Variants in AP2B1 observed in about 807,000 individuals in gnomAD.
AP2B1 encodes AP-2 complex subunit beta.
A neutral mutation model predicts 102.0 loss-of-function variants in AP2B1; 23 were observed. The observed-to-expected ratio is 0.23, with a 90% CI of 0.16 to 0.32. AP2B1 has a LOEUF of 0.32. AP2B1 is among the 10% of genes least tolerant of loss of function. The pLI is 1.00. For missense variants in AP2B1, 541 were observed against 1,157.4 expected (o/e 0.47, Z 7.73); for synonymous variants, 381 against 421.2 (o/e 0.90, Z 1.17).
chr17:35,719,375 C>G (rs1184950053), intron 21 of AP2B1, among the ~76,000 whole-genome samples: 1 of 151,914 alleles, frequency 6.6e-6, no homozygotes, highest in Non-Finnish European at 1.5e-5. Flanking sequence ...AAAAAAACTT[C>G]CTCTTGCTGT....
intron 1 of AP2B1, chr17:35,588,713 A>C (rs567449235): frequency 3.3e-5 from 5 of 152,170 alleles, no homozygotes; most frequent in Non-Finnish European, 7.3e-5. Flanking sequence ...CATTCCAGTG[A>C]TGACTAAGCG....
intron 21 of AP2B1, among the ~76,000 whole-genome samples, chr17:35,720,702 G>A (rs1245119245): frequency 3.4e-5 from 5 of 149,046 alleles, no homozygotes; most frequent in Non-Finnish European, 4.5e-5. Flanking sequence ...GATTGCAGGC[G>A]TGAGCCACTG....
At chr17:35,713,650 ACT>A (rs2076495144) in intron 20 of AP2B1, 1 of 152,044 alleles carries the variant, frequency 6.6e-6, no homozygotes, top group Non-Finnish European at 1.5e-5. Flanking sequence ...TGGAACTAAC[ACT>A]CTGAGGGCTA....
intron 18 of AP2B1, among the ~76,000 whole-genome samples, chr17:35,687,121 T>C (rs772431454): frequency 1.3e-5 from 2 of 152,148 alleles, no homozygotes; most frequent in African/African-American, 2.4e-5. Flanking sequence ...TGGATTTTTA[T>C]TTATTTATTT....
rs549006606 is a variant in AP2B1 at position 35,678,726 on chromosome 17, C to T, written c.2325-3969C>T. Among the ~76,000 whole-genome samples, 3 of 152,202 alleles carry T rather than the reference C, an allele frequency of 2.0e-5. No homozygotes were observed. In the South Asian group the frequency reaches 6.2e-4, roughly 32 times the overall value. ...ATCCTACTTGTTTAGGATGTGTTGT[C>T]TTTTTTTGTGTATTGATGGAGTTCA... On this transcript the variant is annotated intron_variant, in intron 17 of 21. Coordinates refer to ENST00000610402, the MANE Select transcript of AP2B1 (RefSeq NM_001030006.2).
chr17:35,634,843 A>T (rs934215847), intron 9 of AP2B1, among the ~76,000 whole-genome samples: 1 of 152,220 alleles, frequency 6.6e-6, no homozygotes, highest in African/African-American at 2.4e-5. Flanking sequence ...ACCCTCTGCT[A>T]TCTCCACTCA....
chr17:35,607,301 G>A (rs540381858), intron 4 of AP2B1, among the ~76,000 whole-genome samples: 2 of 152,212 alleles, frequency 1.3e-5, no homozygotes, highest in African/African-American at 4.8e-5. Context: ...TATTTAAAAT[G>A]TTTTGAAAAA....
intron 21 of AP2B1, among the ~76,000 whole-genome samples, chr17:35,721,808 T>G (rs1335910721): frequency 1.3e-5 from 2 of 152,212 alleles, no homozygotes; most frequent in African/African-American, 4.8e-5. Context: ...CTACCTCTCC[T>G]TAGTCTGGGA....
chr17:35,650,396 C>A, intron 12 of AP2B1, 134 bp from the exon 13 acceptor site: 1 of 1,074,478 alleles, frequency 9.3e-7, no homozygotes, highest in Non-Finnish European at 1.4e-6. Flanking sequence ...GCTACCACAT[C>A]CAGCCTGAAG....
intron 12 of AP2B1, among the ~76,000 whole-genome samples, chr17:35,648,379 G>A (rs187938744): frequency 6.6e-6 from 1 of 152,056 alleles, no homozygotes; most frequent in African/African-American, 2.4e-5. Flanking sequence ...AGCTGGGTGT[G>A]GTGGTGCGTA....
In AP2B1 at chr17:35,657,617, C is replaced by T. The variant is rs201410777; in HGVS notation, c.1815C>T (p.Ser605=). 46 of 1,613,520 alleles carry T rather than the reference C, an allele frequency of 2.9e-5. No homozygotes were observed. The highest frequency in any genetic ancestry group is 3.9e-5 in the Non-Finnish European group (46 of 1,179,590). Residue 605 remains serine, a synonymous_variant, in exon 14 of 22, where the codon AGC becomes AGT. Coordinates refer to ENST00000610402, the MANE Select transcript of AP2B1 (RefSeq NM_001030006.2). ...ACTTTAGCACTGATGCAGGTGACAGCCCTGTTGGCACTACCACTGCAACGA... is the reference window on the plus strand; with the variant it reads ...ACTTTAGCACTGATGCAGGTGACAGTCCTGTTGGCACTACCACTGCAACGA... ...IHHGSTDAGD[S]PVGTTTATNL...
At chr17:35,624,209 A>C (rs225251) in intron 5 of AP2B1, among the ~76,000 whole-genome samples, 188 bp from the exon 6 acceptor site, 96,668 of 152,014 alleles carry the variant, frequency 0.64, 30,757 homozygotes, top group Non-Finnish European at 0.65. Flanking sequence ...CCTTACCACT[A>C]TATATAATAT....
At chr17:35,648,743 A>AGTGTGT (rs10668040) in intron 12 of AP2B1, among the ~76,000 whole-genome samples, 6,173 of 148,568 alleles carry the variant, frequency 0.042, 185 homozygotes, top group East Asian at 0.098. Flanking sequence ...ATATGAAATA[A>AGTGTGT]GTGTGTGTGT....
chr17:35,638,296 T>G (rs1317853590), intron 10 of AP2B1, among the ~76,000 whole-genome samples: 1 of 152,226 alleles, frequency 6.6e-6, no homozygotes, highest in Non-Finnish European at 1.5e-5. Context: ...GATACTTAGT[T>G]AAGTGTGCTA....
intron 13 of AP2B1, 45 bp downstream of exon 13, chr17:35,650,834 T>TA: frequency 2.5e-6 from 4 of 1,591,868 alleles, no homozygotes; most frequent in Middle Eastern, 1.7e-4. Context: ...GACTCTTGTT[T>TA]AGACAGCGTT....
In AP2B1 at chr17:35,725,880, A is replaced by ACT. The variant is rs1455988925; in HGVS notation, c.*2182_*2183insTC. ...TCAGCCTCCCCACCAGTGATGGATA[A>ACT]CAGCTCCTATTCTCAGCTGACCTGA... On this transcript the variant is annotated 3_prime_UTR_variant, in exon 22 of 22. Coordinates refer to ENST00000610402, the MANE Select transcript of AP2B1 (RefSeq NM_001030006.2). 2 of 152,244 alleles carry ACT rather than the reference A, an allele frequency of 1.3e-5. No homozygotes were observed. Among genetic ancestry groups the ACT allele is most frequent in the Admixed American group, 6.6e-5 (1 of 15,266 alleles). The allele number at this position is 152,244 out of a possible 1,614,324, so 9.4% of individuals were successfully genotyped here.
At chr17:35,691,796 T>C (rs1354852987) in intron 18 of AP2B1, among the ~76,000 whole-genome samples, 1 of 152,206 alleles carries the variant, frequency 6.6e-6, no homozygotes, top group East Asian at 1.9e-4. Flanking sequence ...TTAAAACATT[T>C]TGCTGTCAAA....
At chr17:35,658,282 C>CT (rs33981679) in intron 14 of AP2B1, among the ~76,000 whole-genome samples, 105,925 of 141,026 alleles carry the variant, frequency 0.75, 39,793 homozygotes, top group East Asian at 0.82. Context: ...TCTTCTTCTT[C>CT]TTTTTTTTTT....
intron 5 of AP2B1, among the ~76,000 whole-genome samples, chr17:35,613,616 G>T (rs1225619375): frequency 6.6e-6 from 1 of 152,126 alleles, no homozygotes; most frequent in Non-Finnish European, 1.5e-5. Flanking sequence ...GAAGATGAAG[G>T]CTACTATCTT....
Sources: allele counts gnomAD v4.1 joint callset (sites outside exome capture counted in the v4.1 genomes callset), GRCh38; gene constraint gnomAD v4.1.1; transcripts MANE v1.5; gene names NCBI Gene and HGNC (gene_info 2026-07-23, HGNC 2026-07-21).